Variants in NME7 observed in about 807,000 individuals in gnomAD.
NME7 encodes the protein NME/NM23 family member 7.
In NME7, 41 loss-of-function variants were observed where a neutral mutation model predicts 49.1. That is an observed-to-expected ratio of 0.83 (90% CI 0.65 to 1.08). The LOEUF (loss-of-function observed/expected upper bound fraction) is 1.08. Among genes scored for constraint, NME7 ranks in the 50% least tolerant of loss-of-function variants. The probability of loss-of-function intolerance (pLI) is 0.00; values close to 1 mark genes in which losing one functional copy is unlikely to be tolerated. For missense variants in NME7, 423 were observed against 463.4 expected (o/e 0.91, Z 0.80); for synonymous variants, 139 against 150.6 (o/e 0.92, Z 0.56).
At chr1:169,138,920 C>T (rs1363167849) in intron 11 of NME7, among the ~76,000 whole-genome samples, 2 of 152,140 alleles carry the variant, frequency 1.3e-5, no homozygotes, top group Non-Finnish European at 2.9e-5. Context: ...CTAAAGGCTA[C>T]AACTTTCCAT....
chr1:169,285,463 A>T (rs930421294), intron 7 of NME7: 1 of 152,120 alleles, frequency 6.6e-6, no homozygotes, highest in Admixed American at 6.6e-5. Flanking sequence ...ATCACTTCCT[A>T]TGGAATTGTT....
chr1:169,350,050 AGTGTG>A (rs1322748928), intron 1 of NME7, among the ~76,000 whole-genome samples: 2 of 151,410 alleles, frequency 1.3e-5, no homozygotes, highest in African/African-American at 4.9e-5. Context: ...AACATAGCGG[AGTGTG>A]GTGGTGGGTG....
intron 7 of NME7, among the ~76,000 whole-genome samples, chr1:169,271,976 T>A (rs1428195831): frequency 7.6e-6 from 1 of 131,616 alleles, no homozygotes; most frequent in Non-Finnish European, 1.8e-5. Flanking sequence ...AATTACATAC[T>A]TCAAAATGGT....
chr1:169,139,174 T>C (rs1423404243), intron 11 of NME7, among the ~76,000 whole-genome samples: 1 of 152,186 alleles, frequency 6.6e-6, no homozygotes, highest in African/African-American at 2.4e-5. Flanking sequence ...TTCTTAGTCA[T>C]AACAGTATCT....
At chr1:169,350,241 A>AAGGAAGGAAGGAAG (rs1553196985) in intron 1 of NME7, among the ~76,000 whole-genome samples, 137 of 3,686 alleles carry the variant, frequency 0.037, no homozygotes, top group Non-Finnish European at 0.066. Flanking sequence ...AAAGAAAGAA[A>AAGGAAGGAAGGAAG]GAAAGAAGGA....
intron 3 of NME7, chr1:169,310,750 T>C (rs1316913385): frequency 6.6e-6 from 1 of 152,180 alleles, no homozygotes; most frequent in East Asian, 1.9e-4. Context: ...ATTTTACTAA[T>C]GATGAAACTA....
intron 4 of NME7, among the ~76,000 whole-genome samples, chr1:169,308,039 C>A (rs1171089525): frequency 6.6e-6 from 1 of 151,090 alleles, no homozygotes; most frequent in Admixed American, 6.6e-5. Flanking sequence ...AAAAAAAATC[C>A]CATTTTGCAA....
chr1:169,273,932 G>A (rs1251417382), intron 7 of NME7, among the ~76,000 whole-genome samples: 1 of 131,068 alleles, frequency 7.6e-6, no homozygotes, highest in African/African-American at 2.6e-5. Context: ...ACGTGTGCAT[G>A]TGTCTTTATA....
chr1:169,214,057 G>A (rs1407275470), intron 10 of NME7, among the ~76,000 whole-genome samples: 1 of 152,130 alleles, frequency 6.6e-6, no homozygotes, highest in Non-Finnish European at 1.5e-5. Flanking sequence ...ACTGATCTTG[G>A]AATTTCAAAA....
rs1183980410 is a variant in NME7 at position 169,308,685 on chromosome 1, GA to G, written c.389+1284del. On this transcript the variant is annotated intron_variant, in intron 4 of 11. Coordinates refer to ENST00000367811, the MANE Select transcript of NME7 (RefSeq NM_013330.5). ...TAAAGGATCTCTAAAAAAAACTGAA[GA>G]GAAGGTTTTCCCTATCCTTTGTTTG... Among the ~76,000 whole-genome samples, 6 of 152,228 alleles carry G rather than the reference GA, an allele frequency of 3.9e-5. No homozygotes were observed. The East Asian group carries it at 1.2e-3, about 29-fold the overall frequency.
intron 11 of NME7, among the ~76,000 whole-genome samples, chr1:169,157,110 T>G (rs914003234): frequency 1.3e-5 from 2 of 152,180 alleles, no homozygotes; most frequent in African/African-American, 4.8e-5. Flanking sequence ...TTCTGGCAAC[T>G]GGCAGGTGGA....
At chr1:169,209,527 T>C (rs919788976) in intron 10 of NME7, among the ~76,000 whole-genome samples, 4 of 152,098 alleles carry the variant, frequency 2.6e-5, no homozygotes, top group African/African-American at 9.6e-5. Context: ...CCTTCCAAAA[T>C]ATATTTCAAA....
At chr1:169,239,440 G>A (rs779049924) in intron 7 of NME7, among the ~76,000 whole-genome samples, 1 of 151,808 alleles carries the variant, frequency 6.6e-6, no homozygotes, top group Non-Finnish European at 1.5e-5. Flanking sequence ...CCAAGTGAAT[G>A]GAAGAATGAC....
chr1:169,248,659 G>A, intron 7 of NME7, among the ~76,000 whole-genome samples: 1 of 152,060 alleles, frequency 6.6e-6, no homozygotes, highest in East Asian at 1.9e-4. Context: ...TTTTGTATAA[G>A]GTAAGGGATA....
At chr1:169,228,958 AG>A (rs1321456430) in intron 10 of NME7, among the ~76,000 whole-genome samples, 1 of 152,236 alleles carries the variant, frequency 6.6e-6, no homozygotes, top group Non-Finnish European at 1.5e-5. Flanking sequence ...AAAGATATAA[AG>A]GAGGTCCTGC....
intron 5 of NME7, among the ~76,000 whole-genome samples, chr1:169,299,790 C>G (rs901580608): frequency 1.3e-5 from 2 of 152,084 alleles, no homozygotes; most frequent in Non-Finnish European, 2.9e-5. Flanking sequence ...CCTAAGAGTT[C>G]TATAATACCT....
At chr1:169,323,364 T>C in intron 2 of NME7, 81 bp from the exon 3 acceptor site, 7 of 1,095,900 alleles carry the variant, frequency 6.4e-6, no homozygotes, top group Non-Finnish European at 8.6e-6. Flanking sequence ...AAGGTAGAAA[T>C]AATTCTTAAT....
chr1:169,208,808 G>A (rs1211316259), intron 10 of NME7, among the ~76,000 whole-genome samples: 2 of 152,006 alleles, frequency 1.3e-5, no homozygotes, highest in Admixed American at 1.3e-4. Flanking sequence ...GTCTCTAAAT[G>A]TTGCCTTTAA....
intron 5 of NME7, 132 bp from the exon 6 acceptor site, chr1:169,298,895 T>C (rs917456535): frequency 3.2e-5 from 26 of 812,992 alleles, no homozygotes; most frequent in Non-Finnish European, 4.5e-5. Flanking sequence ...CCATTAAGCA[T>C]AGTTAATTTT....
Sources: gnomAD v4.1 joint callset for allele counts (sites outside exome capture counted in the v4.1 genomes callset) on GRCh38, gnomAD v4.1.1 for gene constraint, MANE v1.5 for transcripts, NCBI Gene and HGNC (gene_info 2026-07-23, HGNC 2026-07-21) for gene names.